The following TTBK1 variants were observed in gnomAD, a reference collection of about 807,000 sequenced individuals.
TTBK1 encodes the protein tau-tubulin kinase 1.
In TTBK1, 34 loss-of-function variants were observed where a neutral mutation model predicts 108.5. The ratio of observed to expected loss-of-function variants is 0.31; its 90% CI spans 0.24 to 0.42. The LOEUF (loss-of-function observed/expected upper bound fraction) is 0.42, where lower values mean the gene tolerates loss of function less well. Among genes scored for constraint, TTBK1 ranks in the 10% least tolerant of loss-of-function variants. The probability of loss-of-function intolerance (pLI) is 1.00; values close to 1 mark genes in which losing one functional copy is unlikely to be tolerated. For synonymous variants in TTBK1, 809 were observed against 795.1 expected, an observed-to-expected ratio of 1.02 and a Z score of -0.29; for missense variants, 1,539 against 1,826.0, an observed-to-expected ratio of 0.84 and a Z score of 2.86.
chr6:43,271,018 G>A, intron 13 of TTBK1: 2 of 985,444 alleles, frequency 2.0e-6, no homozygotes, highest in Non-Finnish European at 2.4e-6. Flanking sequence ...GGAAGTGTCA[G>A]GATGCCAGCT....
intron 13 of TTBK1, among the ~76,000 whole-genome samples, chr6:43,266,093 T>C (rs1185082870): frequency 6.6e-6 from 1 of 152,162 alleles, no homozygotes; most frequent in African/African-American, 2.4e-5. Flanking sequence ...AGATGAGTTG[T>C]GTGTGTCTTT....
In TTBK1 at chr6:43,253,177, C is replaced by A; in HGVS notation, c.257-114C>A. 8.3e-7 allele frequency: 1 copy of A among 1,199,902 alleles called. No individual in the cohort carries two copies. Among genetic ancestry groups the A allele is most frequent in the Non-Finnish European group, 1.2e-6 (1 of 810,390 alleles). 74.3% of individuals were successfully genotyped at this position (1,199,902 alleles called of 1,614,324 possible). On this transcript the variant is annotated intron_variant, in intron 3 of 14. Transcript: ENST00000259750. This position sits in a 1 kb window ranked among gnomAD's most constrained non-coding sequence, Gnocchi z 5.8. Reference sequence around the variant, plus strand: ...CCAGGGAGGTGGCAAGACAGGTGCTCACAGGGCCAGCACTGGAGGGACCAG... The same window carrying A: ...CCAGGGAGGTGGCAAGACAGGTGCTAACAGGGCCAGCACTGGAGGGACCAG...
At chr6:43,271,810 C>A in intron 13 of TTBK1, 1 of 967,026 alleles carries the variant, frequency 1.0e-6, no homozygotes, top group Non-Finnish European at 1.2e-6. Context: ...GATGTCTGGG[C>A]CAAGAGCACC....
Position 43,283,218 on chromosome 6 carries a change from C to G in TTBK1, c.2478C>G (p.Asp826Glu). The change falls in exon 14 of 15, where the codon GAC (aspartate) becomes GAG (glutamate). Residue 826 changes from aspartate (D) to glutamate (E), a missense_variant. This residue lies in a region of TTBK1 where 1,055 missense variants were observed against 1,086.5 expected (regional missense o/e 0.97). Coordinates refer to ENST00000259750, the MANE Select transcript of TTBK1 (RefSeq NM_032538.3). The surrounding 1 kb of genome is among the most constrained non-coding windows in gnomAD (Gnocchi z 8.1). ...SRGRASMADG[D>E]LEPEEGSKTL... The stretch of plus-strand genomic sequence containing the variant: ...GCCGGGCCTCCATGGCCGATGGGGA[C>G]CTGGAGCCTGAGGAGGGCTCCAAAA... 2.6e-6 allele frequency: 4 copies of G among 1,551,738 alleles called. No homozygotes were observed. Among genetic ancestry groups the G allele is most frequent in the Non-Finnish European group, 3.5e-6 (4 of 1,147,996 alleles).
At chr6:43,264,296 T>C (rs1777622119) in intron 13 of TTBK1, among the ~76,000 whole-genome samples, 1 of 152,114 alleles carries the variant, frequency 6.6e-6, no homozygotes, top group African/African-American at 2.4e-5. Flanking sequence ...GGCATGAGAA[T>C]TGATTGAACC....
chr6:43,264,256 G>A (rs1448487258), intron 13 of TTBK1, among the ~76,000 whole-genome samples: 1 of 152,098 alleles, frequency 6.6e-6, no homozygotes, highest in African/African-American at 2.4e-5. Flanking sequence ...GGTGGTGCCT[G>A]CCTGTAATCC....
At chr6:43,277,213 G>T (rs1040971424) in intron 13 of TTBK1, among the ~76,000 whole-genome samples, 1 of 152,134 alleles carries the variant, frequency 6.6e-6, no homozygotes, top group African/African-American at 2.4e-5. Context: ...CCTGGCCTTG[G>T]GGGTGCCAGG....
rs1249655839 is a variant in TTBK1 at position 43,262,846 on chromosome 6, C to T, written c.1482C>T (p.Ala494=). ...PSRQACSSQP[A]QMLSVDTGHA... is the part of the protein sequence containing the mutation. ...GCCAGGCCTGCTCCTCTCAGCCAGC[C>T]CAGATGCTGTCAGTGGACACAGGCC... is the stretch of plus-strand genomic sequence containing the variant. The change falls in exon 13 of 15, where the codon GCC becomes GCT. Residue 494 remains alanine, a synonymous_variant. Transcript: ENST00000259750. 6.2e-6 allele frequency: 10 copies of T among 1,607,758 alleles called. No individual in the cohort carries two copies. The highest frequency in any genetic ancestry group is 2.2e-5 in the East Asian group (1 of 44,712).
chr6:43,269,825 T>C lies in TTBK1; in HGVS notation c.1986+6475T>C, dbSNP rs1368143388. On this transcript the variant is annotated intron_variant, in intron 13 of 14. Coordinates refer to ENST00000259750, the MANE Select transcript of TTBK1 (RefSeq NM_032538.3). The surrounding 1 kb of genome is among the most constrained non-coding windows in gnomAD (Gnocchi z 4.8). ...GCAGCCGCTCGGCTGAGAGCAGCCC[T>C]GTGCGGGCGCCCCACCGGCGCCACG... 2 of 1,538,450 alleles carry C rather than the reference T, an allele frequency of 1.3e-6. No homozygotes were observed. The highest frequency in any genetic ancestry group is 3.9e-5 in the Admixed American group (2 of 51,148).
In TTBK1 at chr6:43,255,785, A is replaced by C; in HGVS notation, c.790A>C (p.Met264Leu). 6.2e-7 allele frequency: 1 copy of C among 1,614,116 alleles called. No individual in the cohort carries two copies. The highest frequency in any genetic ancestry group is 1.6e-4 in the Middle Eastern group (1 of 6,062). ...TGAGCACCGGATGCTGCTGAAGCAC[A>C]TGCCGTCAGAGTTCCACCTCTTCCT... is the stretch of plus-strand genomic sequence containing the variant. ...KYEHRMLLKH[M>L]PSEFHLFLDH... Residue 264 changes from methionine (M) to leucine (L), a missense_variant, in exon 9 of 15, where the codon ATG becomes CTG. Coordinates refer to ENST00000259750, the MANE Select transcript of TTBK1 (RefSeq NM_032538.3).
chr6:43,275,320 C>A (rs955773452), intron 13 of TTBK1, among the ~76,000 whole-genome samples: 53 of 152,094 alleles, frequency 3.5e-4, no homozygotes, highest in African/African-American at 1.3e-3. Context: ...TCCCGCCCCA[C>A]CCCGCCGCCG....
chr6:43,286,666 C>G lies in TTBK1; in HGVS notation c.*1290C>G, dbSNP rs1299616728. 2 of 152,740 alleles carry G rather than the reference C, an allele frequency of 1.3e-5. No individual in the cohort carries two copies. Among genetic ancestry groups the G allele is most frequent in the African/African-American group, 4.8e-5 (2 of 41,466 alleles). The allele number at this position is 152,740 out of a possible 1,614,324, so 9.5% of individuals were successfully genotyped here. ...CCTCAGCTCACCCTTCAGCCTGTTC[C>G]TTCTTGCCCTGACCCCAGCCCGTGC... On this transcript the variant is annotated 3_prime_UTR_variant, in exon 15 of 15. Transcript: ENST00000259750. The surrounding 1 kb of genome is among the most constrained non-coding windows in gnomAD (Gnocchi z 4.6).
chr6:43,256,297 G>A (rs568275570), intron 9 of TTBK1, among the ~76,000 whole-genome samples: 49 of 152,066 alleles, frequency 3.2e-4, no homozygotes, highest in Admixed American at 1.8e-3. Flanking sequence ...CACCATGCCC[G>A]GCTAATTTGT....
At chr6:43,255,228 C>G (rs935316076) in intron 7 of TTBK1, 114 bp downstream of exon 7, 1 of 966,060 alleles carries the variant, frequency 1.0e-6, no homozygotes, top group Non-Finnish European at 1.6e-6. Flanking sequence ...CTGCAATCTG[C>G]CACCCCAGAG....
chr6:43,259,146 C>T lies in TTBK1; in HGVS notation c.1125C>T (p.Pro375=), dbSNP rs758509676. The T allele has an allele frequency of 1.8e-5, 29 of 1,613,906 alleles. No individual in the cohort carries two copies. Among genetic ancestry groups the T allele is most frequent in the East Asian group, 6.7e-5 (3 of 44,898 alleles). The change falls in exon 11 of 15, where the codon CCC becomes CCT. Residue 375 remains proline, a synonymous_variant. Coordinates refer to ENST00000259750, the MANE Select transcript of TTBK1 (RefSeq NM_032538.3). The surrounding 1 kb of genome is among the most constrained non-coding windows in gnomAD (Gnocchi z 6.7). ...AGGAGAATGCACCCCCAATTCTGCCCGGGAGGCCCTCTGAGGGGCTGGGCC... is the reference window on the plus strand; with the variant it reads ...AGGAGAATGCACCCCCAATTCTGCCTGGGAGGCCCTCTGAGGGGCTGGGCC... ...SDQENAPPIL[P]GRPSEGLGPS... is the part of the protein sequence containing the mutation.
At chr6:43,268,393 A>G (rs750433544) in intron 13 of TTBK1, among the ~76,000 whole-genome samples, 1 of 152,162 alleles carries the variant, frequency 6.6e-6, no homozygotes, top group Non-Finnish European at 1.5e-5. Flanking sequence ...GGTGGGAGCA[A>G]AGCCAGTCCT....
chr6:43,262,932 T>C lies in TTBK1; in HGVS notation c.1568T>C (p.Leu523Pro). ...TCAGCCTCTGTGGAGCAGGAGGCCC[T>C]GAGCAACGCCTTCCGCTCGGTGCCG... is the stretch of plus-strand genomic sequence containing the variant. Reference protein sequence around the residue: ...DVSASVEQEALSNAFRSVPLA... With the variant: ...DVSASVEQEAPSNAFRSVPLA... Residue 523 changes from leucine (L) to proline (P), a missense_variant, in exon 13 of 15, where the codon CTG becomes CCG. By Grantham distance (98) the Leu-to-Pro change is moderately conservative. Around this residue, in one of 5 missense-constraint regions of TTBK1, gnomAD observed 277 missense variants for 332.4 expected, o/e 0.83. Transcript: ENST00000259750. 1 of 1,614,068 alleles carries C rather than the reference T, an allele frequency of 6.2e-7. No individual in the cohort carries two copies. The highest frequency in any genetic ancestry group is 1.1e-5 in the South Asian group (1 of 91,054).
Position 43,259,143 on chromosome 6 carries a change from G to T in TTBK1, c.1122G>T (p.Leu374=). Residue 374 remains leucine (L), a synonymous_variant, in exon 11 of 15, where the codon CTG becomes CTT. Coordinates refer to ENST00000259750, the MANE Select transcript of TTBK1 (RefSeq NM_032538.3). The surrounding 1 kb of genome is among the most constrained non-coding windows in gnomAD (Gnocchi z 6.7). ...ACCAGGAGAATGCACCCCCAATTCT[G>T]CCCGGGAGGCCCTCTGAGGGGCTGG... is the stretch of plus-strand genomic sequence containing the variant. ...LSDQENAPPI[L]PGRPSEGLGP... is the part of the protein sequence containing the mutation. The T allele has an allele frequency of 6.2e-7, 1 of 1,614,008 alleles. No homozygotes were observed. Among genetic ancestry groups the T allele is most frequent in the Non-Finnish European group, 8.5e-7 (1 of 1,179,940 alleles).
rs1777308093 is a variant in TTBK1, at chr6:43,253,611, C to T, written c.374C>T (p.Thr125Ile). The T allele has an allele frequency of 3.7e-6, 6 of 1,613,528 alleles. No individual in the cohort carries two copies. The East Asian group carries it at 8.9e-5, about 24-fold the overall frequency. Residue 125 changes from threonine to isoleucine, a missense_variant, in exon 5 of 15, where the codon ACC (threonine) becomes ATC (isoleucine). Physicochemically the swap from Thr to Ile is moderately conservative, Grantham distance 89. Around this residue, in one of 5 missense-constraint regions of TTBK1, gnomAD observed 155 missense variants for 348.5 expected, o/e 0.44. Transcript: ENST00000259750. This position sits in a 1 kb window ranked among gnomAD's most constrained non-coding sequence, Gnocchi z 5.8. ...ADLRRSQPRG[T>I]FTLSTTLRLG... ...CTGCGCCGTAGCCAGCCGCGAGGCA[C>T]CTTCACGCTGAGCACCACATTGCGG... is the stretch of plus-strand genomic sequence containing the variant.
Sources: gnomAD v4.1 joint callset for allele counts (sites outside exome capture counted in the v4.1 genomes callset) on GRCh38, gnomAD v4.1.1 for gene constraint, gnomAD v4.1.1 regional missense constraint, Gnocchi (gnomAD v3.1) non-coding constraint, MANE v1.5 for transcripts, NCBI Gene and HGNC (gene_info 2026-07-23, HGNC 2026-07-21) for gene names.